SMTN: variants seen among roughly 807,000 people sequenced by gnomAD.
The protein encoded by SMTN is smoothelin.
Under a neutral mutation model 102.0 loss-of-function variants are expected in SMTN, and 58 were observed. The observed-to-expected ratio is 0.57, with a 90% CI of 0.46 to 0.71. The LOEUF is 0.71. Ranked by LOEUF, SMTN falls within the 30% of genes least tolerant of loss-of-function variation. The probability of loss-of-function intolerance (pLI) is 0.00; values close to 1 mark genes in which losing one functional copy is unlikely to be tolerated. For synonymous variants in SMTN, 478 were observed against 497.9 expected, an observed-to-expected ratio of 0.96 and a Z score of 0.53; for missense variants, 1,185 against 1,241.7, an observed-to-expected ratio of 0.95 and a Z score of 0.69.
exon 1 of SMTN, chr22:31,064,138 A>G (rs1026066618): frequency 2.0e-5 from 3 of 152,260 alleles, no homozygotes; most frequent in African/African-American, 7.2e-5. Flanking sequence ...GGCAGCTCCC[A>G]TGAGAACGGC....
At chr22:31,091,596 G>T in intron 10 of SMTN, 79 bp from the exon 11 acceptor site, 1 of 1,518,546 alleles carries the variant, frequency 6.6e-7, no homozygotes, top group African/African-American at 1.4e-5. Flanking sequence ...TGTGCTGGGA[G>T]CGAGGGCATT....
Position 31,090,157 on chromosome 22 carries a change from G to A in SMTN, c.842G>A (p.Gly281Asp). The A allele has an allele frequency of 6.2e-7, 1 of 1,611,726 alleles. No individual in the cohort carries two copies. Among genetic ancestry groups the A allele is most frequent in the Non-Finnish European group, 8.5e-7 (1 of 1,178,986 alleles). The stretch of plus-strand genomic sequence containing the variant: ...CCTGCTGCCCAGAGCCCCACCAGAG[G>A]CCCCTCTGACACCAAGAGAGCAGGT... ...ETPAAQSPTRGPSDTKRADVA... is the reference protein window; with the variant it reads ...ETPAAQSPTRDPSDTKRADVA... Residue 281 changes from glycine (G) to aspartate (D), a missense_variant, in exon 8 of 21, where the codon GGC becomes GAC. This residue lies in a region of SMTN where 1,096 missense variants were observed against 1,112.7 expected (regional missense o/e 0.98). Coordinates refer to ENST00000333137, the MANE Select transcript of SMTN (RefSeq NM_134269.3).
intron 1 of SMTN, among the ~76,000 whole-genome samples, chr22:31,073,417 G>A (rs1366222087): frequency 2.0e-5 from 3 of 152,128 alleles, no homozygotes; most frequent in Non-Finnish European, 2.9e-5. Context: ...CTACATAAAG[G>A]CCAGTGAAAT....
intron 11 of SMTN, chr22:31,093,647 G>A (rs751529834): frequency 3.2e-5 from 25 of 780,634 alleles, no homozygotes; most frequent in East Asian, 7.4e-5. Context: ...GCACTGAGCC[G>A]GCGGCTGGAT....
chr22:31,091,440 T>C lies in SMTN; in HGVS notation c.1417T>C (p.Ser473Pro), dbSNP rs1448174967. The stretch of plus-strand genomic sequence containing the variant: ...GATCAAGGACGGCCGTGGCCAGGCC[T>C]CCACAGGCCGGGTGCTGCTGCCCAC... ...IEIKDGRGQA[S>P]TGRVLLPTGN... is the part of the protein sequence containing the mutation. The change falls in exon 10 of 21, where the codon TCC (serine) becomes CCC (proline). Residue 473 changes from serine to proline, a missense_variant. Coordinates refer to ENST00000333137, the MANE Select transcript of SMTN (RefSeq NM_134269.3). The C allele has an allele frequency of 1.5e-5, 23 of 1,537,154 alleles. No homozygotes were observed. The highest frequency in any genetic ancestry group is 2.8e-5 in the African/African-American group (2 of 72,426).
In SMTN at chr22:31,095,991, T is replaced by G; in HGVS notation, c.1861+382T>G. 1 of 323,942 alleles carries G rather than the reference T, an allele frequency of 3.1e-6. No homozygotes were observed. The highest frequency in any genetic ancestry group is 5.8e-6 in the Non-Finnish European group (1 of 172,092). The allele number at this position is 323,942 out of a possible 1,614,324, so 20.1% of individuals were successfully genotyped here. On this transcript the variant is annotated intron_variant, in intron 13 of 20. Coordinates refer to ENST00000333137, the MANE Select transcript of SMTN (RefSeq NM_134269.3). This position sits in a 1 kb window ranked among gnomAD's most constrained non-coding sequence, Gnocchi z 4.1. Reference sequence around the variant, plus strand: ...CCCTGAAGTCCATTGATGGCCATCTTAGCCTCTGCCCCATCCAGCTTCCCT... The same window carrying G: ...CCCTGAAGTCCATTGATGGCCATCTGAGCCTCTGCCCCATCCAGCTTCCCT...
At chr22:31,082,901 T>A in intron 1 of SMTN, 1 of 1,548,042 alleles carries the variant, frequency 6.5e-7, no homozygotes, top group Non-Finnish European at 8.7e-7. Context: ...CTGCCCTCCC[T>A]GTTTTGAGGT....
At position 31,087,945 on chromosome 22, in the gene SMTN, G is replaced by C. The variant is rs2042818346; in HGVS notation, c.52-20G>C. 6 of 1,561,086 alleles carry C rather than the reference G, an allele frequency of 3.8e-6. No individual in the cohort carries two copies. Among genetic ancestry groups the C allele is most frequent in the Non-Finnish European group, 5.2e-6 (6 of 1,149,704 alleles). On this transcript the variant is annotated intron_variant, in intron 2 of 20. Transcript: ENST00000333137. ...CCGCCCCTGGCAGCCAAAATGACCT[G>C]CCTCTCGCACCCACTGCAGCTGGAG...
At position 31,091,842 on chromosome 22, in the gene SMTN, A is replaced by T; in HGVS notation, c.1627A>T (p.Ile543Phe). Residue 543 changes from isoleucine to phenylalanine, a missense_variant, in exon 11 of 21, where the codon ATC (isoleucine) becomes TTC (phenylalanine). By Grantham distance (21) the Ile-to-Phe change is conservative. This residue lies in a region of SMTN where 1,096 missense variants were observed against 1,112.7 expected (regional missense o/e 0.98). Coordinates refer to ENST00000333137, the MANE Select transcript of SMTN (RefSeq NM_134269.3). ...APPSSRGGCSIKMEAEPAEPL... is the reference protein window; with the variant it reads ...APPSSRGGCSFKMEAEPAEPL... Reference sequence around the variant, plus strand: ...CCCCAGTAGCCGAGGAGGCTGCAGCATCAAGGTGAGCCCCTCCTCACCCCA... The same window carrying T: ...CCCCAGTAGCCGAGGAGGCTGCAGCTTCAAGGTGAGCCCCTCCTCACCCCA... 1 of 1,584,782 alleles carries T rather than the reference A, an allele frequency of 6.3e-7. No individual in the cohort carries two copies. The highest frequency in any genetic ancestry group is 1.7e-4 in the Middle Eastern group (1 of 5,962).
At chr22:31,081,005 GCTCTGAGACTCCTACGA>G (rs67584269), upstream of SMTN, among the ~76,000 whole-genome samples, 31,170 of 151,848 alleles carry the variant, frequency 0.21, 4,904 homozygotes, top group East Asian at 0.44. Context: ...TGTCCTGAAG[GCTCTGAGACTCCTACGA>G]CCCCAGGAAA....
chr22:31,065,936 C>T (rs2041838930), intron 1 of SMTN: 1 of 152,320 alleles, frequency 6.6e-6, no homozygotes, highest in African/African-American at 2.4e-5. Context: ...TGTTCATTCT[C>T]CTTCTGCAGT....
intron 1 of SMTN, chr22:31,066,725 A>C (rs1222310485): frequency 2.0e-5 from 3 of 152,064 alleles, no homozygotes; most frequent in African/African-American, 7.2e-5. Flanking sequence ...CCTCCTAATT[A>C]ATCCAACAGT....
intron 17 of SMTN, 92 bp downstream of exon 17, chr22:31,098,932 G>C (rs894336382): frequency 4.3e-5 from 66 of 1,552,732 alleles, no homozygotes; most frequent in Non-Finnish European, 5.8e-5. Context: ...GAGGCGGGAA[G>C]ACCGCGCGGC....
In SMTN at chr22:31,090,183, G is replaced by A; in HGVS notation, c.865+3G>A. Reference sequence around the variant, plus strand: ...CCCCTCTGACACCAAGAGAGCAGGTGAGGGTCCCAGCAGGGGTAGTCACAG... The same window carrying A: ...CCCCTCTGACACCAAGAGAGCAGGTAAGGGTCCCAGCAGGGGTAGTCACAG... On this transcript the variant is annotated splice_donor_region_variant and intron_variant, in intron 8 of 20. Coordinates refer to ENST00000333137, the MANE Select transcript of SMTN (RefSeq NM_134269.3). 1 of 1,608,766 alleles carries A rather than the reference G, an allele frequency of 6.2e-7. No homozygotes were observed. The highest frequency in any genetic ancestry group is 8.5e-7 in the Non-Finnish European group (1 of 1,177,720).
chr22:31,097,419 G>T (rs1409616123), intron 16 of SMTN, 81 bp downstream of exon 16: 3 of 1,307,864 alleles, frequency 2.3e-6, no homozygotes, highest in East Asian at 2.3e-5. Flanking sequence ...TTACAGAGGG[G>T]TGGGCTGGGC....
At chr22:31,077,538 C>A (rs1273128221), upstream of SMTN, among the ~76,000 whole-genome samples, 1 of 152,072 alleles carries the variant, frequency 6.6e-6, no homozygotes, top group African/African-American at 2.4e-5. Context: ...TGATCAGGAG[C>A]CAGTGTCCAA....
chr22:31,076,601 C>T (rs1405098893), upstream of SMTN, among the ~76,000 whole-genome samples: 3 of 152,176 alleles, frequency 2.0e-5, no homozygotes, highest in Non-Finnish European at 4.4e-5. Flanking sequence ...TCAGTTATTT[C>T]ATGCTTAAGT....
rs1416697830 is a variant in SMTN, at chr22:31,096,741, G to A, written c.1870G>A (p.Asp624Asn). ...GGGCATCCCCTGCCCAGACCAGCGG[G>A]ACAAGGAGCGGGAACGGCGGCTGCA... ...ELRQRKRDQR[D>N]KERERRLQEA... The change falls in exon 14 of 21, where the codon GAC (aspartate) becomes AAC (asparagine). Residue 624 changes from aspartate (D) to asparagine (N), a missense_variant. By Grantham distance (23) the Asp-to-Asn change is conservative. This residue lies in a region of SMTN where 1,096 missense variants were observed against 1,112.7 expected (regional missense o/e 0.98). Transcript: ENST00000333137. The A allele has an allele frequency of 4.5e-6, 7 of 1,550,066 alleles. No homozygotes were observed. Among genetic ancestry groups the A allele is most frequent in the Non-Finnish European group, 4.3e-6 (5 of 1,153,088 alleles).
chr22:31,088,756 G>T lies in SMTN; in HGVS notation c.352G>T (p.Val118Leu). Reference sequence around the variant, plus strand: ...GCTGATCCGAGCTGCCATCCGCCGTGTACGGGCTCAGGAGATTGAGGGTAT... The same window carrying T: ...GCTGATCCGAGCTGCCATCCGCCGTTTACGGGCTCAGGAGATTGAGGGTAT... ...RKLIRAAIRR[V>L]RAQEIEAATL... Residue 118 changes from valine (V) to leucine (L), a missense_variant, in exon 5 of 21, where the codon GTA becomes TTA. By Grantham distance (32) the Val-to-Leu change is conservative. Transcript: ENST00000333137. 1 of 1,613,094 alleles carries T rather than the reference G, an allele frequency of 6.2e-7. No individual in the cohort carries two copies. The highest frequency in any genetic ancestry group is 1.3e-5 in the African/African-American group (1 of 75,052).
Sources: gnomAD v4.1 joint callset for allele counts (sites outside exome capture counted in the v4.1 genomes callset) on GRCh38, gnomAD v4.1.1 for gene constraint, gnomAD v4.1.1 regional missense constraint, Gnocchi (gnomAD v3.1) non-coding constraint, MANE v1.5 for transcripts, NCBI Gene and HGNC (gene_info 2026-07-23, HGNC 2026-07-21) for gene names.